OR1J2: variants seen among roughly 807,000 people sequenced by gnomAD.
The protein encoded by OR1J2 is olfactory receptor family 1 subfamily J member 2.
For missense variants in OR1J2, 304 were observed against 246.1 expected, an observed-to-expected ratio of 1.24 and a Z score of -1.57; for synonymous variants, 142 against 99.7, an observed-to-expected ratio of 1.42 and a Z score of -2.52.
the OR1J2 span, among the ~76,000 whole-genome samples, chr9:122,489,724 G>T: frequency 6.6e-6 from 1 of 152,192 alleles, no homozygotes; most frequent in Non-Finnish European, 1.5e-5. Context: ...ACCATTGTTT[G>T]TGTCCACGTT....
chr9:122,548,702 T>A, the OR1J2 span, among the ~76,000 whole-genome samples: 8 of 151,474 alleles, frequency 5.3e-5, no homozygotes, highest in African/African-American at 1.9e-4. Context: ...CATTAACCGG[T>A]CATTTACATT....
the OR1J2 span, among the ~76,000 whole-genome samples, chr9:122,543,536 G>A: frequency 6.6e-6 from 1 of 152,066 alleles, no homozygotes; most frequent in African/African-American, 2.4e-5. Context: ...ACTTGGTATT[G>A]CCAGTCTTTT....
the OR1J2 span, chr9:122,448,987 A>C: frequency 3.3e-5 from 5 of 151,824 alleles, no homozygotes; most frequent in Non-Finnish European, 5.9e-5. Flanking sequence ...AAAAAAAAAA[A>C]AAAAACAAGC....
the OR1J2 span, among the ~76,000 whole-genome samples, chr9:122,495,744 G>A: frequency 2.0e-5 from 3 of 151,932 alleles, no homozygotes; most frequent in Non-Finnish European, 4.4e-5. Context: ...ATGATCTTTT[G>A]GGGGTGTTAA....
the OR1J2 span, among the ~76,000 whole-genome samples, chr9:122,571,677 C>G: frequency 2.0e-5 from 3 of 150,726 alleles, no homozygotes; most frequent in African/African-American, 7.4e-5. Flanking sequence ...GATTGCACCA[C>G]TGCACTCCAG....
chr9:122,557,914 TTTC>T, the OR1J2 span, among the ~76,000 whole-genome samples: 1 of 152,054 alleles, frequency 6.6e-6, no homozygotes, highest in South Asian at 2.1e-4. Flanking sequence ...TTAATGTTCA[TTTC>T]TTCTTGTATG....
At chr9:122,472,921 T>C in the OR1J2 span, among the ~76,000 whole-genome samples, 1 of 152,236 alleles carries the variant, frequency 6.6e-6, no homozygotes, top group Non-Finnish European at 1.5e-5. Context: ...TGTCAACGAA[T>C]TAATACTAAA....
At chr9:122,527,606 C>T in the OR1J2 span, among the ~76,000 whole-genome samples, 1 of 151,884 alleles carries the variant, frequency 6.6e-6, no homozygotes, top group Non-Finnish European at 1.5e-5. Flanking sequence ...AGTAGGCTGT[C>T]TATGTGAGTA....
chr9:122,519,112 C>T, the OR1J2 span: 2 of 1,487,222 alleles, frequency 1.3e-6, no homozygotes, highest in East Asian at 2.3e-5. Context: ...CAATGTCCCT[C>T]TATTTCCAGC....
the OR1J2 span, among the ~76,000 whole-genome samples, chr9:122,501,834 G>A: frequency 9.2e-5 from 14 of 152,212 alleles, no homozygotes; most frequent in Non-Finnish European, 1.9e-4. Context: ...AAAGGAAACA[G>A]CAATAGGAGA....
the OR1J2 span, among the ~76,000 whole-genome samples, chr9:122,505,301 T>A: frequency 6.6e-6 from 1 of 152,048 alleles, no homozygotes; most frequent in East Asian, 1.9e-4. Context: ...CTCTGCAGAG[T>A]CTTGAGGCAG....
downstream of OR1J2, among the ~76,000 whole-genome samples, chr9:122,516,554 C>T (rs992865849): frequency 5.3e-5 from 8 of 152,108 alleles, no homozygotes; most frequent in Non-Finnish European, 7.4e-5. Context: ...CCGCCCGCCT[C>T]GGCCTCCCAA....
At chr9:122,485,161 C>A in the OR1J2 span, among the ~76,000 whole-genome samples, 1 of 152,080 alleles carries the variant, frequency 6.6e-6, no homozygotes, top group Non-Finnish European at 1.5e-5. Context: ...CATGAGCCAA[C>A]TTAATCTAGT....
At chr9:122,452,989 T>C in the OR1J2 span, among the ~76,000 whole-genome samples, 143 of 146,834 alleles carry the variant, frequency 9.7e-4, no homozygotes, top group African/African-American at 3.4e-3. Context: ...GATCACGCCA[T>C]TGCACTCCAG....
chr9:122,461,854 G>A, the OR1J2 span, among the ~76,000 whole-genome samples: 1 of 152,138 alleles, frequency 6.6e-6, no homozygotes, highest in Non-Finnish European at 1.5e-5. Context: ...CTTTCTTGGA[G>A]AATGTTCCAT....
chr9:122,512,753 A>G (rs931674864), downstream of OR1J2, among the ~76,000 whole-genome samples: 1 of 152,180 alleles, frequency 6.6e-6, no homozygotes, highest in Non-Finnish European at 1.5e-5. Flanking sequence ...CAAAGTTTGG[A>G]AAAAAATTAA....
chr9:122,479,164 G>A, the OR1J2 span, among the ~76,000 whole-genome samples: 1 of 152,194 alleles, frequency 6.6e-6, no homozygotes, highest in Non-Finnish European at 1.5e-5. Context: ...TCTTGGGGAC[G>A]CAGCGGTGAA....
chr9:122,493,551 C>A, the OR1J2 span, among the ~76,000 whole-genome samples: 1 of 152,030 alleles, frequency 6.6e-6, no homozygotes, highest in Non-Finnish European at 1.5e-5. Flanking sequence ...GGTAATAGCT[C>A]CCATTTCATT....
the OR1J2 span, among the ~76,000 whole-genome samples, chr9:122,574,323 C>T: frequency 1.3e-5 from 2 of 152,044 alleles, no homozygotes; most frequent in Admixed American, 6.6e-5. Flanking sequence ...AATATTGAGC[C>T]TTCTTATTCA....
Sources: allele counts gnomAD v4.1 joint callset (sites outside exome capture counted in the v4.1 genomes callset), GRCh38; gene constraint gnomAD v4.1.1; transcripts MANE v1.5; gene names NCBI Gene and HGNC (gene_info 2026-07-23, HGNC 2026-07-21).